The following COL27A1 variants were observed in gnomAD, a reference collection of about 807,000 sequenced individuals.
The protein encoded by COL27A1 is collagen alpha-1(XXVII) chain.
Under a neutral mutation model 251.3 loss-of-function variants are expected in COL27A1, and 106 were observed. The observed-to-expected ratio is 0.42, with a 90% confidence interval of 0.36 to 0.50. COL27A1 has a LOEUF of 0.50. Ranked by LOEUF, COL27A1 falls within the 20% of genes least tolerant of loss-of-function variation. The probability of loss-of-function intolerance (pLI) is 0.00; values close to 1 mark genes in which losing one functional copy is unlikely to be tolerated. For missense variants in COL27A1, 2,325 were observed against 2,522.8 expected, an observed-to-expected ratio of 0.92 and a Z score of 1.68; for synonymous variants, 1,000 against 986.3, an observed-to-expected ratio of 1.01 and a Z score of -0.26.
intron 4 of COL27A1, among the ~76,000 whole-genome samples, chr9:114,179,145 G>T (rs1421632671): frequency 6.6e-6 from 1 of 152,180 alleles, no homozygotes; most frequent in Non-Finnish European, 1.5e-5. Context: ...TGGGTGCCTG[G>T]TGAGGCCCTG....
At position 114,265,477 on chromosome 9, in the gene COL27A1, T is replaced by C; in HGVS notation, c.3393+2T>C. 6.2e-7 allele frequency: 1 copy of C among 1,613,660 alleles called. No individual in the cohort carries two copies. Among genetic ancestry groups the C allele is most frequent in the African/African-American group, 1.3e-5 (1 of 75,046 alleles). On this transcript the variant is annotated splice_donor_variant, in intron 32 of 60. Transcript: ENST00000356083. LOFTEE classifies it high-confidence loss of function. Reference sequence around the variant, plus strand: ...ACCAAGGGCCTCCCAGGAGAACCGGTAAGAGCCCTTTCCTTCCCTCTTCTG... The same window carrying C: ...ACCAAGGGCCTCCCAGGAGAACCGGCAAGAGCCCTTTCCTTCCCTCTTCTG...
chr9:114,218,481 C>G (rs935263116), intron 12 of COL27A1: 3 of 152,226 alleles, frequency 2.0e-5, no homozygotes, highest in Non-Finnish European at 2.9e-5. Context: ...GTGATGTTGC[C>G]TAACCGAGTC....
At chr9:114,292,283 A>C in intron 49 of COL27A1, 73 bp downstream of exon 49, 2 of 1,142,724 alleles carry the variant, frequency 1.8e-6, no homozygotes, top group South Asian at 2.7e-5. Flanking sequence ...CTACATGTAC[A>C]AACACATGCA....
At chr9:114,274,152 G>C (rs1468587011) in intron 36 of COL27A1, 1 of 151,322 alleles carries the variant, frequency 6.6e-6, no homozygotes, top group Non-Finnish European at 1.5e-5. Context: ...GGGGGCACTT[G>C]AACCTGGGAG....
chr9:114,212,105 A>T (rs1830408774), intron 12 of COL27A1, among the ~76,000 whole-genome samples: 1 of 152,246 alleles, frequency 6.6e-6, no homozygotes, highest in Non-Finnish European at 1.5e-5. Context: ...AAAAGAAAAA[A>T]GCCTCAAAGA....
At chr9:114,269,321 G>C in intron 35 of COL27A1, 27 bp downstream of exon 35, 1 of 1,592,602 alleles carries the variant, frequency 6.3e-7, no homozygotes, top group Non-Finnish European at 8.6e-7. Flanking sequence ...TATTCTTCCT[G>C]AAAGCCCCCA....
chr9:114,154,993 G>A (rs1848038062), upstream of COL27A1, among the ~76,000 whole-genome samples: 1 of 152,058 alleles, frequency 6.6e-6, no homozygotes, highest in Non-Finnish European at 1.5e-5. The surrounding 1 kb of genome is among the most constrained non-coding windows in gnomAD (Gnocchi z 5.8). Flanking sequence ...TGGTGGTGGT[G>A]GGGTGCGGTT....
chr9:114,309,213 G>T, intron 59 of COL27A1, 47 bp from the exon 60 acceptor site: 1 of 1,545,436 alleles, frequency 6.5e-7, no homozygotes, highest in Non-Finnish European at 8.9e-7. Flanking sequence ...CGGTGTGGGG[G>T]GTGTGGGGGG....
chr9:114,179,119 T>C (rs1286248479), intron 4 of COL27A1, among the ~76,000 whole-genome samples: 1 of 152,216 alleles, frequency 6.6e-6, no homozygotes. Flanking sequence ...CCAGGCTGAA[T>C]CAGCCTTTCC....
intron 5 of COL27A1, among the ~76,000 whole-genome samples, chr9:114,188,618 T>G (rs1828543965): frequency 6.6e-6 from 1 of 152,198 alleles, no homozygotes; most frequent in Non-Finnish European, 1.5e-5. Context: ...CAAGATATAT[T>G]TGTATATACA....
chr9:114,186,852 C>T (rs933887744), intron 5 of COL27A1, among the ~76,000 whole-genome samples: 6 of 152,194 alleles, frequency 3.9e-5, no homozygotes, highest in Admixed American at 3.3e-4. Context: ...TGATGCTGGA[C>T]CATGGTGGAG....
chr9:114,301,267 G>A lies in COL27A1; in HGVS notation c.4756-17G>A. On this transcript the variant is annotated splice_polypyrimidine_tract_variant and intron_variant, in intron 52 of 60. Coordinates refer to ENST00000356083, the MANE Select transcript of COL27A1 (RefSeq NM_032888.4). ...TCACCTCTGGGCCCTGTCTCACTGG[G>A]CCGTGGTTTGTTGCAGGGTCCGAAG... is the stretch of plus-strand genomic sequence containing the variant. 1 of 1,612,270 alleles carries A rather than the reference G, an allele frequency of 6.2e-7. No homozygotes were observed. Among genetic ancestry groups the A allele is most frequent in the South Asian group, 1.1e-5 (1 of 90,832 alleles).
intron 17 of COL27A1, 31 bp downstream of exon 17, chr9:114,235,683 C>T (rs770820742): frequency 1.3e-6 from 2 of 1,523,534 alleles, no homozygotes; most frequent in Non-Finnish European, 1.8e-6. Context: ...CCTCCCCCTG[C>T]CCCTGCCCCT....
rs763146617 is a variant in COL27A1 at position 114,310,627 on chromosome 9, G to A, written c.5515G>A (p.Asp1839Asn). Residue 1839 changes from aspartate to asparagine, a missense_variant, in exon 61 of 61, where the codon GAC becomes AAC. Coordinates refer to ENST00000356083, the MANE Select transcript of COL27A1 (RefSeq NM_032888.4). ...DPQQLPIISV[D>N]NLPPASSGKQ... ...CCAACAGCTGCCCATCATCAGTGTG[G>A]ACAACCTCCCTCCTGCCTCATCAGG... 4 of 1,614,156 alleles carry A rather than the reference G, an allele frequency of 2.5e-6. No homozygotes were observed. Among genetic ancestry groups the A allele is most frequent in the Non-Finnish European group, 3.4e-6 (4 of 1,180,030 alleles).
At chr9:114,166,901 T>C (rs577711093) in intron 2 of COL27A1, among the ~76,000 whole-genome samples, 34 of 152,210 alleles carry the variant, frequency 2.2e-4, no homozygotes, top group Non-Finnish European at 4.0e-4. Flanking sequence ...ATGCTTTGAT[T>C]GCTTCCTCTC....
chr9:114,257,006 G>A (rs1833964306), intron 27 of COL27A1, among the ~76,000 whole-genome samples: 1 of 152,166 alleles, frequency 6.6e-6, no homozygotes, highest in Non-Finnish European at 1.5e-5. Flanking sequence ...CCAAGCCCGG[G>A]TCCACACCCT....
intron 57 of COL27A1, 70 bp from the exon 58 acceptor site, chr9:114,306,450 C>T: frequency 6.7e-7 from 1 of 1,493,582 alleles, no homozygotes; most frequent in African/African-American, 1.4e-5. Context: ...GAACTGGGGG[C>T]TGTGGAGGCT....
At chr9:114,194,343 G>C in intron 5 of COL27A1, 61 bp from the exon 6 acceptor site, 2 of 1,522,492 alleles carry the variant, frequency 1.3e-6, no homozygotes, top group Non-Finnish European at 1.8e-6. Flanking sequence ...CAGAGTTTGT[G>C]GGGAGGCAGA....
chr9:114,263,069 G>A (rs1834466568), intron 28 of COL27A1, among the ~76,000 whole-genome samples: 1 of 151,370 alleles, frequency 6.6e-6, no homozygotes, highest in South Asian at 2.1e-4. Context: ...CGCCTGAGTA[G>A]CTGGGACTAC....
Sources: allele counts gnomAD v4.1 joint callset (sites outside exome capture counted in the v4.1 genomes callset), GRCh38; gene constraint gnomAD v4.1.1; non-coding constraint Gnocchi (gnomAD v3.1); transcripts MANE v1.5; gene names NCBI Gene and HGNC (gene_info 2026-07-23, HGNC 2026-07-21).